Variants in CCDC146 observed in about 807,000 individuals in gnomAD.
CCDC146 encodes the protein coiled-coil domain-containing protein 146.
A neutral mutation model predicts 119.3 loss-of-function variants in CCDC146; 92 were observed. The ratio of observed to expected loss-of-function variants is 0.77; its 90% CI spans 0.65 to 0.92. CCDC146 has a LOEUF of 0.92. CCDC146 is among the 40% of genes least tolerant of loss of function. CCDC146 has a pLI of 0.00. For missense variants in CCDC146, 1,000 were observed against 1,103.0 expected (o/e 0.91, Z 1.32); for synonymous variants, 372 against 371.8 (o/e 1.00, Z -0.01).
chr7:77,241,881 A>C lies in CCDC146; in HGVS notation c.430A>C (p.Asn144His), dbSNP rs768610158. 4 of 1,612,752 alleles carry C rather than the reference A, an allele frequency of 2.5e-6. No homozygotes were observed. The Admixed American group carries it at 6.7e-5, about 27-fold the overall frequency. Residue 144 changes from asparagine to histidine, a missense_variant, in exon 4 of 19, where the codon AAT (asparagine) becomes CAT (histidine). By Grantham distance (68) the Asn-to-His change is moderately conservative (BLOSUM62 1). Transcript: ENST00000285871. The stretch of plus-strand genomic sequence containing the variant: ...TGCAGTGAAGGAAAGAGAGTTCCAT[A>C]ATCAGTACAGATTAAATAGGTAAGT... ...YNAVKEREFH[N>H]QYRLNSLKEE...
intron 1 of CCDC146, among the ~76,000 whole-genome samples, chr7:77,123,678 C>T (rs1258854749): frequency 6.6e-6 from 1 of 152,090 alleles, no homozygotes; most frequent in African/African-American, 2.4e-5. Context: ...AGTACAATGA[C>T]CAGAATTCTT....
At chr7:77,161,293 A>G (rs1434974524) in intron 1 of CCDC146, among the ~76,000 whole-genome samples, 2 of 152,110 alleles carry the variant, frequency 1.3e-5, no homozygotes, top group African/African-American at 2.4e-5. Context: ...CTGGGTATAT[A>G]CCCAAAGGAC....
intron 17 of CCDC146, 90 bp from the exon 18 acceptor site, chr7:77,292,862 C>T (rs1793975227): frequency 4.4e-6 from 6 of 1,378,810 alleles, no homozygotes; most frequent in East Asian, 2.3e-5. Context: ...GACAAAAATG[C>T]ACCCCGCCAT....
intron 2 of CCDC146, among the ~76,000 whole-genome samples, chr7:77,235,266 C>T (rs75136936): frequency 0.014 from 2,195 of 152,194 alleles, 46 homozygotes; most frequent in African/African-American, 0.05. Flanking sequence ...TTTATTCTTG[C>T]AGATTGTAAT....
At chr7:77,160,305 G>A (rs897436241) in intron 1 of CCDC146, among the ~76,000 whole-genome samples, 1 of 152,294 alleles carries the variant, frequency 6.6e-6, no homozygotes, top group East Asian at 1.9e-4. Context: ...ATTCTGTGAA[G>A]AAAGTAATTG....
chr7:77,262,057 T>C, intron 8 of CCDC146, 64 bp from the exon 9 acceptor site: 7 of 1,378,280 alleles, frequency 5.1e-6, no homozygotes, highest in Non-Finnish European at 6.9e-6. Flanking sequence ...TTGATAAGTT[T>C]TGAAAAACAT....
intron 4 of CCDC146, 105 bp downstream of exon 4, chr7:77,242,005 G>T: frequency 1.3e-6 from 1 of 795,554 alleles, no homozygotes; most frequent in South Asian, 1.8e-5. Context: ...ATAGCAGTAC[G>T]ATGATGATTG....
chr7:77,141,904 A>AGCTCC (rs1310945982), intron 1 of CCDC146, among the ~76,000 whole-genome samples: 1 of 151,944 alleles, frequency 6.6e-6, no homozygotes, highest in African/African-American at 2.4e-5. Context: ...GCTGTGCAGA[A>AGCTCC]GCTCCTTAGT....
intron 4 of CCDC146, among the ~76,000 whole-genome samples, chr7:77,248,165 A>C (rs941766043): frequency 6.6e-6 from 1 of 152,218 alleles, no homozygotes; most frequent in Non-Finnish European, 1.5e-5. Context: ...AAGTGAAAAA[A>C]ACTCACAAAC....
chr7:77,150,075 G>GTTAAAACT (rs1229020428), intron 1 of CCDC146, among the ~76,000 whole-genome samples: 1 of 151,516 alleles, frequency 6.6e-6, no homozygotes, highest in African/African-American at 2.4e-5. Flanking sequence ...AACTATAAGA[G>GTTAAAACT]TTAAAACTAT....
chr7:77,216,658 G>T (rs915915800), intron 2 of CCDC146, among the ~76,000 whole-genome samples: 2 of 152,064 alleles, frequency 1.3e-5, no homozygotes, highest in African/African-American at 4.8e-5. Context: ...TGCTTAACTT[G>T]CCTGGAAATA....
chr7:77,201,058 A>C (rs577542834), intron 2 of CCDC146, among the ~76,000 whole-genome samples: 10 of 152,222 alleles, frequency 6.6e-5, no homozygotes, highest in Non-Finnish European at 1.3e-4. Flanking sequence ...ACATTCTCAA[A>C]ATGTTGGCAG....
At chr7:77,268,950 T>G (rs1793458561) in intron 9 of CCDC146, among the ~76,000 whole-genome samples, 1 of 152,216 alleles carries the variant, frequency 6.6e-6, no homozygotes, top group South Asian at 2.1e-4. Context: ...ATTTTTACAT[T>G]TTACAATGAT....
At chr7:77,238,813 T>A (rs1792789095) in intron 3 of CCDC146, among the ~76,000 whole-genome samples, 1 of 152,168 alleles carries the variant, frequency 6.6e-6, no homozygotes, top group South Asian at 2.1e-4. Context: ...TGGCCCCTAA[T>A]GACAAGTAGC....
intron 2 of CCDC146, chr7:77,199,988 T>C (rs1791957563): frequency 5.4e-6 from 3 of 557,180 alleles, no homozygotes; most frequent in Non-Finnish European, 9.5e-6. Flanking sequence ...TTACTCTCAA[T>C]AGAAATAATA....
intron 2 of CCDC146, among the ~76,000 whole-genome samples, chr7:77,177,642 ACT>A (rs1791520098): frequency 6.6e-6 from 1 of 151,972 alleles, no homozygotes; most frequent in African/African-American, 2.4e-5. Context: ...AAATATGTAC[ACT>A]CTGTTTAAAT....
intron 15 of CCDC146, among the ~76,000 whole-genome samples, chr7:77,284,500 C>A (rs1319805366): frequency 6.6e-6 from 1 of 152,004 alleles, no homozygotes; most frequent in Non-Finnish European, 1.5e-5. Context: ...CCTAAACTAT[C>A]AAGATGCAGA....
chr7:77,279,105 AG>A lies in CCDC146; in HGVS notation c.1694+5del, dbSNP rs1310933193. ...ATAGTGCCGTTAGTCAAGAAAGGTA[AG>A]TGTTATAATAACTATTGGCCTTTCA... On this transcript the variant is annotated splice_donor_5th_base_variant and intron_variant, in intron 13 of 18. Coordinates refer to ENST00000285871, the MANE Select transcript of CCDC146 (RefSeq NM_020879.3). 2 of 1,609,322 alleles carry A rather than the reference AG, an allele frequency of 1.2e-6. No individual in the cohort carries two copies. Among genetic ancestry groups the A allele is most frequent in the African/African-American group, 2.7e-5 (2 of 74,656 alleles).
At chr7:77,248,082 G>A (rs565427328) in intron 4 of CCDC146, among the ~76,000 whole-genome samples, 8 of 152,236 alleles carry the variant, frequency 5.3e-5, no homozygotes, top group Non-Finnish European at 8.8e-5. Context: ...TATATACAAT[G>A]GAATACTATT....
Sources: gnomAD v4.1 joint callset for allele counts (sites outside exome capture counted in the v4.1 genomes callset) on GRCh38, gnomAD v4.1.1 for gene constraint, MANE v1.5 for transcripts, NCBI Gene and HGNC (gene_info 2026-07-23, HGNC 2026-07-21) for gene names.